The following TMPRSS15 variants were observed in gnomAD, a reference collection of about 807,000 sequenced individuals.
TMPRSS15 encodes transmembrane serine protease 15, also known as enteropeptidase.
Under a neutral mutation model 125.3 loss-of-function variants are expected in TMPRSS15, and 128 were observed. That is an observed-to-expected ratio of 1.02 (90% confidence interval 0.89 to 1.18). TMPRSS15 has a LOEUF of 1.18. Ranked by LOEUF, TMPRSS15 falls within the 50% of genes most tolerant of loss-of-function variation. The probability of loss-of-function intolerance (pLI) is 0.00; values close to 1 mark genes in which losing one functional copy is unlikely to be tolerated. For synonymous variants in TMPRSS15, 446 were observed against 423.2 expected, an observed-to-expected ratio of 1.05 and a Z score of -0.66; for missense variants, 1,283 against 1,212.7, an observed-to-expected ratio of 1.06 and a Z score of -0.86.
At chr21:18,365,649 C>CCCTTTCCTTCCTT (rs2075725594) in intron 6 of TMPRSS15, among the ~76,000 whole-genome samples, 1 of 65,812 alleles carries the variant, frequency 1.5e-5, no homozygotes, top group South Asian at 6.8e-4. Flanking sequence ...TCTTTTTCCT[C>CCCTTTCCTTCCTT]CCTTCCTTCC....
intron 1 of TMPRSS15, among the ~76,000 whole-genome samples, chr21:18,417,677 T>C (rs1168733348): frequency 6.6e-6 from 1 of 152,196 alleles, no homozygotes; most frequent in African/African-American, 2.4e-5. Flanking sequence ...TAGATGTTTC[T>C]GATCTAGAAA....
intron 1 of TMPRSS15, among the ~76,000 whole-genome samples, chr21:18,417,859 A>G (rs752668081): frequency 2.0e-5 from 3 of 152,174 alleles, no homozygotes; most frequent in Non-Finnish European, 2.9e-5. Flanking sequence ...ACACACAATC[A>G]CACACATACA....
At chr21:18,445,816 T>C (rs955178097) in intron 1 of TMPRSS15, among the ~76,000 whole-genome samples, 1 of 152,150 alleles carries the variant, frequency 6.6e-6, no homozygotes, top group Non-Finnish European at 1.5e-5. Context: ...CTCAAAATCA[T>C]AAAGGGCATA....
At chr21:18,427,285 T>C (rs558657082) in intron 1 of TMPRSS15, among the ~76,000 whole-genome samples, 1 of 152,322 alleles carries the variant, frequency 6.6e-6, no homozygotes, top group South Asian at 2.1e-4. Context: ...TTTTATCAGA[T>C]TGTGAAAGTG....
chr21:18,473,871 A>G (rs967399657), intron 1 of TMPRSS15, among the ~76,000 whole-genome samples: 1 of 152,170 alleles, frequency 6.6e-6, no homozygotes, highest in African/African-American at 2.4e-5. Flanking sequence ...AATGAACAGG[A>G]AAATTCACTT....
In TMPRSS15 at chr21:18,343,996, G is replaced by A. The variant is rs772516367; in HGVS notation, c.1236C>T (p.Leu412=). The A allele has an allele frequency of 9.9e-6, 16 of 1,613,962 alleles. No homozygotes were observed. Among genetic ancestry groups the A allele is most frequent in the Admixed American group, 1.7e-5 (1 of 60,008 alleles). The change falls in exon 11 of 25, where the codon CTC becomes CTT. Residue 412 remains leucine (L), a synonymous_variant. Coordinates refer to ENST00000284885, the MANE Select transcript of TMPRSS15 (RefSeq NM_002772.3). The part of the protein sequence containing the change: ...GRQERVGLLS[L]PLDPTLEPAC... ...CTGGCTCCAAAGTGGGGTCCAAAGGGAGGCTTAAAAGCCCCACTCGTTCTT... is the reference window on the plus strand; with the variant it reads ...CTGGCTCCAAAGTGGGGTCCAAAGGAAGGCTTAAAAGCCCCACTCGTTCTT...
intron 1 of TMPRSS15, among the ~76,000 whole-genome samples, chr21:18,461,642 G>A (rs1401248081): frequency 6.6e-6 from 1 of 151,914 alleles, no homozygotes; most frequent in African/African-American, 2.4e-5. Context: ...AAAATTTTAT[G>A]GAATAGTTTA....
rs895867934 is a variant in TMPRSS15, at chr21:18,330,663, T to C, written c.1655-1369A>G. On this transcript the variant is annotated intron_variant, in intron 14 of 24. Transcript: ENST00000284885. ...CAGATTAAGGAAATAAAGTATTGAATACACATTCGTCAAATAAACAAACAT... is the reference window on the plus strand; with the variant it reads ...CAGATTAAGGAAATAAAGTATTGAACACACATTCGTCAAATAAACAAACAT... Among the ~76,000 whole-genome samples, 7 of 152,238 alleles carry C rather than the reference T, an allele frequency of 4.6e-5. No homozygotes were observed. In the South Asian group the frequency reaches 1.4e-3, roughly 31 times the overall value.
intron 1 of TMPRSS15, among the ~76,000 whole-genome samples, chr21:18,449,681 T>C (rs1300502887): frequency 6.6e-6 from 1 of 152,084 alleles, no homozygotes; most frequent in Non-Finnish European, 1.5e-5. Context: ...CTACCACATC[T>C]TATTATTATC....
rs760410723 is a variant in TMPRSS15 at position 18,326,598 on chromosome 21, C to T, written c.1781-26G>A. 9.1e-5 allele frequency: 147 copies of T among 1,613,822 alleles called. No homozygotes were observed. In the Middle Eastern group the frequency reaches 3.1e-3, roughly 34 times the overall value. On this transcript the variant is annotated intron_variant, in intron 15 of 24. Coordinates refer to ENST00000284885, the MANE Select transcript of TMPRSS15 (RefSeq NM_002772.3). The stretch of plus-strand genomic sequence containing the variant: ...CTGTTCCAAAGGAAAACGAGATAAT[C>T]AGTGAGATGATCCTTTGGATCTAGA...
At chr21:18,320,236 T>A (rs2075220354) in intron 16 of TMPRSS15, among the ~76,000 whole-genome samples, 1 of 152,048 alleles carries the variant, frequency 6.6e-6, no homozygotes, top group African/African-American at 2.4e-5. Flanking sequence ...TATTCTGTCT[T>A]AAATATATAT....
chr21:18,405,093 T>C (rs967754453), upstream of TMPRSS15, among the ~76,000 whole-genome samples: 13 of 152,262 alleles, frequency 8.5e-5, no homozygotes, highest in Non-Finnish European at 1.9e-4. Flanking sequence ...GTTTTCTTTG[T>C]ATGGCTAGTG....
intron 1 of TMPRSS15, among the ~76,000 whole-genome samples, chr21:18,400,731 G>C (rs1407580364): frequency 3.9e-5 from 6 of 152,134 alleles, no homozygotes; most frequent in Non-Finnish European, 1.5e-5. Context: ...TGGCAAGTGG[G>C]GCCTAATTAA....
Position 18,402,946 on chromosome 21 carries a change from G to T in TMPRSS15, c.145+532C>A, listed in dbSNP as rs372541632. Among the ~76,000 whole-genome samples, 9 of 152,230 alleles carry T rather than the reference G, an allele frequency of 5.9e-5. No homozygotes were observed. The South Asian group carries it at 1.5e-3, about 25-fold the overall frequency. ...TATGCTTTTTCTGTTTATCGGAGTT[G>T]CTACTCAGTTTGTGACCTTTTTAAG... On this transcript the variant is annotated intron_variant, in intron 1 of 24. Transcript: ENST00000284885.
intron 23 of TMPRSS15, among the ~76,000 whole-genome samples, chr21:18,275,764 C>A (rs576928265): frequency 7.2e-5 from 11 of 152,296 alleles, no homozygotes; most frequent in Admixed American, 5.9e-4. Context: ...CATTCAGCTT[C>A]TTTGTGGTGC....
intron 10 of TMPRSS15, among the ~76,000 whole-genome samples, chr21:18,346,077 T>G (rs1401715862): frequency 3.3e-5 from 5 of 152,066 alleles, no homozygotes; most frequent in Non-Finnish European, 5.9e-5. Flanking sequence ...GAATTGCATA[T>G]TATTGAATAT....
intron 1 of TMPRSS15, among the ~76,000 whole-genome samples, chr21:18,417,029 TAA>T (rs2076182022): frequency 6.6e-6 from 1 of 152,096 alleles, no homozygotes; most frequent in African/African-American, 2.4e-5. Context: ...TTTTTATGTA[TAA>T]GATAGTAATT....
chr21:18,430,287 A>G (rs763631333), intron 1 of TMPRSS15, among the ~76,000 whole-genome samples: 4 of 152,194 alleles, frequency 2.6e-5, no homozygotes, highest in Admixed American at 6.5e-5. Flanking sequence ...GATAGTTTAA[A>G]TGGTTTCTCT....
chr21:18,337,934 A>G (rs944783157), intron 13 of TMPRSS15, among the ~76,000 whole-genome samples: 1 of 152,210 alleles, frequency 6.6e-6, no homozygotes, highest in African/African-American at 2.4e-5. Context: ...ATTGTCTTGA[A>G]GTGAACCATT....
Sources: allele counts gnomAD v4.1 joint callset (sites outside exome capture counted in the v4.1 genomes callset), GRCh38; gene constraint gnomAD v4.1.1; transcripts MANE v1.5; gene names NCBI Gene and HGNC (gene_info 2026-07-23, HGNC 2026-07-21).